KIF5A: variants seen among roughly 807,000 people sequenced by gnomAD.
KIF5A encodes kinesin heavy chain isoform 5A.
Under a neutral mutation model 141.3 loss-of-function variants are expected in KIF5A, and 35 were observed. The observed-to-expected ratio is 0.25, with a 90% CI of 0.19 to 0.33. KIF5A has a LOEUF of 0.33. Among genes scored for constraint, KIF5A ranks in the 10% least tolerant of loss-of-function variants. The pLI is 1.00. For missense variants in KIF5A, 861 were observed against 1,314.3 expected (o/e 0.66, Z 5.33); for synonymous variants, 448 against 500.2 (o/e 0.90, Z 1.39).
rs145062338 is a variant in KIF5A, at chr12:57,578,059, C to T, written c.2412C>T (p.Asp804=). Residue 804 remains aspartate (D), a synonymous_variant, in exon 22 of 29, where the codon GAC becomes GAT. Transcript: ENST00000455537. ...LHNLRKLFVQ[D]VTTRVKKSAE... ...ACCTTCGCAAGCTGTTCGTTCAAGA[C>T]GTCACGACTCGAGTCAAGAAAGTGA... The T allele has an allele frequency of 4.4e-4, 717 of 1,614,000 alleles. 3 individuals are homozygous for T. Among genetic ancestry groups the T allele is most frequent in the Middle Eastern group, 2.1e-3 (13 of 6,084 alleles).
chr12:57,567,440 A>G (rs1882100385), intron 7 of KIF5A, 54 bp from the exon 8 acceptor site: 1 of 1,608,220 alleles, frequency 6.2e-7, no homozygotes, highest in Non-Finnish European at 8.5e-7. Context: ...CCGGGGGCTG[A>G]GGACCTCAGT....
At chr12:57,581,754 C>A in intron 25 of KIF5A, 116 bp from the exon 26 acceptor site, 1 of 1,238,360 alleles carries the variant, frequency 8.1e-7, no homozygotes, top group South Asian at 1.2e-5. Context: ...TTCCTCTGCT[C>A]TCTGGGGATG....
At chr12:57,569,429 A>T in intron 10 of KIF5A, 25 bp downstream of exon 10, 1 of 1,613,458 alleles carries the variant, frequency 6.2e-7, no homozygotes, top group African/African-American at 1.3e-5. Context: ...CCCCAGAGGG[A>T]TCCCTGGTAC....
In KIF5A at chr12:57,564,989, G is replaced by C. The variant is rs1451448703; in HGVS notation, c.501+16G>C. The C allele has an allele frequency of 6.2e-7, 1 of 1,612,598 alleles. No homozygotes were observed. Among genetic ancestry groups the C allele is most frequent in the Middle Eastern group, 1.6e-4 (1 of 6,062 alleles). On this transcript the variant is annotated intron_variant, in intron 6 of 28. Coordinates refer to ENST00000455537, the MANE Select transcript of KIF5A (RefSeq NM_004984.4). The stretch of plus-strand genomic sequence containing the variant: ...ATTTGTCAAGGTGAGAGTGGGTGTG[G>C]GGCACCTATGTGGGGCCAGTGTATT...
intron 26 of KIF5A, 148 bp from the exon 27 acceptor site, chr12:57,582,454 G>A: frequency 1.4e-6 from 1 of 736,770 alleles, no homozygotes; most frequent in Non-Finnish European, 2.4e-6. Context: ...AAATAATGAT[G>A]TAGCTTGGGA....
intron 1 of KIF5A, among the ~76,000 whole-genome samples, chr12:57,551,076 A>G (rs1002490585): frequency 2.6e-5 from 4 of 152,000 alleles, no homozygotes; most frequent in East Asian, 1.9e-4. Flanking sequence ...AGATTCCCCA[A>G]CTGACCCCCC....
At chr12:57,581,795 T>G in intron 25 of KIF5A, 75 bp from the exon 26 acceptor site, 1 of 1,375,766 alleles carries the variant, frequency 7.3e-7, no homozygotes, top group Non-Finnish European at 1.0e-6. Flanking sequence ...TCACTGAGGA[T>G]GAGTGTGGAT....
intron 1 of KIF5A, among the ~76,000 whole-genome samples, chr12:57,559,909 T>G (rs76474303): frequency 6.6e-5 from 10 of 152,246 alleles, no homozygotes; most frequent in East Asian, 1.9e-4. Flanking sequence ...TTATTTTTTT[T>G]GGGACAGAGT....
chr12:57,583,095 C>T lies in KIF5A; in HGVS notation c.3021-6C>T. The stretch of plus-strand genomic sequence containing the variant: ...GGAGCTGATCATGGTGGGTCTCTTC[C>T]TCCAGGAGTGACCTGCCGTGTGGCT... On this transcript the variant is annotated splice_polypyrimidine_tract_variant and splice_region_variant and intron_variant, in intron 27 of 28. Transcript: ENST00000455537. 1 of 1,612,202 alleles carries T rather than the reference C, an allele frequency of 6.2e-7. No individual in the cohort carries two copies. Among genetic ancestry groups the T allele is most frequent in the Non-Finnish European group, 8.5e-7 (1 of 1,178,448 alleles).
At chr12:57,573,645 C>T (rs1882326002) in intron 15 of KIF5A, among the ~76,000 whole-genome samples, 1 of 151,628 alleles carries the variant, frequency 6.6e-6, no homozygotes, top group Non-Finnish European at 1.5e-5. Flanking sequence ...GCCTGTTCAA[C>T]ATGGAGAAAC....
rs1260650701 is a variant in KIF5A at position 57,585,320 on chromosome 12, C to G, written c.*1139C>G. On this transcript the variant is annotated 3_prime_UTR_variant, in exon 29 of 29. Coordinates refer to ENST00000455537, the MANE Select transcript of KIF5A (RefSeq NM_004984.4). ...TTTTTTTCTCCACAAAGAGTTCCTT[C>G]TCTAATGTCCCCATCTGGTATTAAG... 3 of 154,144 alleles carry G rather than the reference C, an allele frequency of 1.9e-5. No homozygotes were observed. The highest frequency in any genetic ancestry group is 7.2e-5 in the African/African-American group (3 of 41,410). The allele number at this position is 154,144 out of a possible 1,614,324, so 9.5% of individuals were successfully genotyped here. A position where few individuals can be genotyped will look rare whatever the true frequency, so the allele number is the denominator to read the frequency against.
At chr12:57,556,732 C>G (rs1243294173) in intron 1 of KIF5A, among the ~76,000 whole-genome samples, 1 of 151,882 alleles carries the variant, frequency 6.6e-6, no homozygotes, top group East Asian at 1.9e-4. Flanking sequence ...TTGAGAGTTA[C>G]ATTTAATCCC....
Position 57,561,655 on chromosome 12 carries a change from C to T in KIF5A, c.130-1784C>T, listed in dbSNP as rs11609983. On this transcript the variant is annotated intron_variant, in intron 1 of 28. Coordinates refer to ENST00000455537, the MANE Select transcript of KIF5A (RefSeq NM_004984.4). Reference sequence around the variant, plus strand: ...GAAATATAAAGAAGAAAAGAATAAACGATTATTTCTTTTTTGCCATTAAAA... The same window carrying T: ...GAAATATAAAGAAGAAAAGAATAAATGATTATTTCTTTTTTGCCATTAAAA... Among the ~76,000 whole-genome samples the T allele has an allele frequency of 9.9e-5, 15 of 152,014 alleles. No homozygotes were observed. The East Asian group carries it at 1.7e-3, about 18-fold the overall frequency.
In KIF5A at chr12:57,550,240, A is replaced by C. The variant is rs376884082; in HGVS notation, c.-32A>C. 1 of 1,613,324 alleles carries C rather than the reference A, an allele frequency of 6.2e-7. No homozygotes were observed. Among genetic ancestry groups the C allele is most frequent in the Non-Finnish European group, 8.5e-7 (1 of 1,179,922 alleles). On this transcript the variant is annotated 5_prime_UTR_variant, in exon 1 of 29. Coordinates refer to ENST00000455537, the MANE Select transcript of KIF5A (RefSeq NM_004984.4). This position sits in a 1 kb window ranked among gnomAD's most constrained non-coding sequence, Gnocchi z 4.6. Reference sequence around the variant, plus strand: ...GAGCACACACCACCCCTGCAGCCCAAGAAGAGTCCCAGCCCCACGCCGGCT... The same window carrying C: ...GAGCACACACCACCCCTGCAGCCCACGAAGAGTCCCAGCCCCACGCCGGCT...
chr12:57,551,120 CAG>C (rs1366820109), intron 1 of KIF5A, among the ~76,000 whole-genome samples: 1 of 152,054 alleles, frequency 6.6e-6, no homozygotes, highest in East Asian at 1.9e-4. Flanking sequence ...AGATCCTAGT[CAG>C]TACCTGCTTA....
At chr12:57,576,602 A>C (rs1318488715) in intron 19 of KIF5A, among the ~76,000 whole-genome samples, 159 bp from the exon 20 acceptor site, 1 of 152,172 alleles carries the variant, frequency 6.6e-6, no homozygotes, top group Non-Finnish European at 1.5e-5. Context: ...TCTGTCATGG[A>C]AACAGTGGCC....
rs200785189 is a variant in KIF5A at position 57,578,351 on chromosome 12, C to T, written c.2538+9C>T. The T allele has an allele frequency of 1.3e-6, 2 of 1,595,762 alleles. No homozygotes were observed. The highest frequency in any genetic ancestry group is 1.3e-5 in the African/African-American group (1 of 74,700). ...CAAAGGTTCACAAACAGGTAAGAGT[C>T]TGCTGAAGGAGTGAAGAGAATTTTT... On this transcript the variant is annotated intron_variant, in intron 23 of 28. Transcript: ENST00000455537.
chr12:57,559,056 G>A (rs1881831178), intron 1 of KIF5A, among the ~76,000 whole-genome samples: 1 of 152,136 alleles, frequency 6.6e-6, no homozygotes, highest in African/African-American at 2.4e-5. Context: ...GGATTACACG[G>A]TACATGAGCT....
chr12:57,581,293 C>G (rs975685266), intron 24 of KIF5A, 121 bp downstream of exon 24: 1 of 1,528,222 alleles, frequency 6.5e-7, no homozygotes, highest in African/African-American at 1.4e-5. Context: ...CACTTCCCCC[C>G]AAAAAGTAAA....
Sources: gnomAD v4.1 joint callset for allele counts (sites outside exome capture counted in the v4.1 genomes callset) on GRCh38, gnomAD v4.1.1 for gene constraint, Gnocchi (gnomAD v3.1) non-coding constraint, MANE v1.5 for transcripts, NCBI Gene and HGNC (gene_info 2026-07-23, HGNC 2026-07-21) for gene names.